Variants in PPP2R2C observed in about 807,000 individuals in gnomAD.
PPP2R2C encodes the protein protein phosphatase 2, regulatory subunit B, gamma.
PPP2R2C carries 10 observed loss-of-function variants against 45.3 expected under a neutral mutation model. The observed-to-expected ratio is 0.22, with a 90% CI of 0.14 to 0.37. PPP2R2C has a LOEUF of 0.37. Among genes scored for constraint, PPP2R2C ranks in the 10% least tolerant of loss-of-function variants. The pLI, the probability that PPP2R2C is intolerant of heterozygous loss-of-function variation, is 1.00. For synonymous variants in PPP2R2C, 257 were observed against 245.4 expected, an observed-to-expected ratio of 1.05 and a Z score of -0.44; for missense variants, 308 against 619.7, an observed-to-expected ratio of 0.50 and a Z score of 5.34.
intron 5 of PPP2R2C, among the ~76,000 whole-genome samples, chr4:6,357,489 G>A (rs771058104): frequency 6.6e-6 from 1 of 152,236 alleles, no homozygotes; most frequent in Non-Finnish European, 1.5e-5. Context: ...AGCCAGAGGT[G>A]CTAGCTAAAC....
chr4:6,367,322 A>C (rs1714411801), intron 5 of PPP2R2C, among the ~76,000 whole-genome samples: 1 of 152,150 alleles, frequency 6.6e-6, no homozygotes, highest in Non-Finnish European at 1.5e-5. Flanking sequence ...ACATGGTGGA[A>C]AACCTCCAGT....
chr4:6,529,356 A>G (rs1248960333), intron 2 of PPP2R2C, among the ~76,000 whole-genome samples: 1 of 152,184 alleles, frequency 6.6e-6, no homozygotes, highest in Non-Finnish European at 1.5e-5. Context: ...TCTAGGCACC[A>G]CCTGAGCCGC....
upstream of PPP2R2C, among the ~76,000 whole-genome samples, chr4:6,477,457 T>A (rs1722201402): frequency 6.6e-6 from 1 of 152,112 alleles, no homozygotes; most frequent in Non-Finnish European, 1.5e-5. Flanking sequence ...CTGGGCACGG[T>A]GCCTCACGCC....
At chr4:6,419,104 G>A (rs1718796612) in intron 1 of PPP2R2C, among the ~76,000 whole-genome samples, 1 of 152,206 alleles carries the variant, frequency 6.6e-6, no homozygotes, top group Non-Finnish European at 1.5e-5. Context: ...TTTTCAAAGG[G>A]TTGTGAAACA....
chr4:6,341,860 A>T (rs74987328), intron 6 of PPP2R2C, among the ~76,000 whole-genome samples: 7,003 of 152,170 alleles, frequency 0.046, 542 homozygotes, highest in African/African-American at 0.16. Context: ...GAGATAACAC[A>T]GGCCAGCTGA....
chr4:6,333,413 G>T, intron 7 of PPP2R2C, 149 bp downstream of exon 7: 1 of 888,956 alleles, frequency 1.1e-6, no homozygotes, highest in Non-Finnish European at 1.7e-6. Flanking sequence ...TACGTGTGGG[G>T]ATGAGTTGCT....
chr4:6,507,508 T>C (rs990302946), intron 2 of PPP2R2C, among the ~76,000 whole-genome samples: 7 of 152,206 alleles, frequency 4.6e-5, no homozygotes, highest in Non-Finnish European at 1.0e-4. Context: ...TACTAGACTC[T>C]CTATGTGTGG....
intron 2 of PPP2R2C, among the ~76,000 whole-genome samples, chr4:6,481,302 G>A (rs142880356): frequency 6.6e-5 from 10 of 152,306 alleles, no homozygotes; most frequent in South Asian, 4.1e-4. Context: ...GTTTTAGGAC[G>A]TATACTTACC....
intron 1 of PPP2R2C, among the ~76,000 whole-genome samples, chr4:6,461,179 T>C (rs187729219): frequency 6.6e-6 from 1 of 152,290 alleles, no homozygotes; most frequent in East Asian, 1.9e-4. Flanking sequence ...CGCATGACTC[T>C]GGACTCTGCA....
chr4:6,486,903 T>C (rs1722546461), intron 2 of PPP2R2C, among the ~76,000 whole-genome samples: 1 of 152,048 alleles, frequency 6.6e-6, no homozygotes, highest in South Asian at 2.1e-4. Context: ...ATTTATTCCA[T>C]TTTCCTTTGT....
At chr4:6,370,533 C>G (rs1714722767) in intron 5 of PPP2R2C, among the ~76,000 whole-genome samples, 1 of 152,154 alleles carries the variant, frequency 6.6e-6, no homozygotes, top group African/African-American at 2.4e-5. Context: ...CATTCACCCC[C>G]AATTAGAGCC....
intron 1 of PPP2R2C, among the ~76,000 whole-genome samples, chr4:6,551,692 T>A (rs2108840313): frequency 6.6e-6 from 1 of 152,332 alleles, no homozygotes; most frequent in Admixed American, 6.5e-5. Context: ...ACAAGCCACA[T>A]GTCAGGGCTC....
chr4:6,511,078 C>G (rs1182907748), intron 2 of PPP2R2C, among the ~76,000 whole-genome samples: 9 of 151,920 alleles, frequency 5.9e-5, no homozygotes, highest in African/African-American at 2.2e-4. Context: ...CACTCACTAG[C>G]TGTCCCTGAA....
At chr4:6,476,000 C>A (rs896805966), upstream of PPP2R2C, among the ~76,000 whole-genome samples, 2 of 152,168 alleles carry the variant, frequency 1.3e-5, no homozygotes, top group Admixed American at 6.5e-5. Context: ...CGGGAGCACA[C>A]GGCGAGACAG....
At chr4:6,490,117 G>A (rs1281201510) in intron 2 of PPP2R2C, among the ~76,000 whole-genome samples, 1 of 152,168 alleles carries the variant, frequency 6.6e-6, no homozygotes, top group Non-Finnish European at 1.5e-5. Context: ...CCTCCCACCA[G>A]CTGGTTCAGC....
intron 2 of PPP2R2C, among the ~76,000 whole-genome samples, chr4:6,517,851 T>C (rs73796236): frequency 0.012 from 1,795 of 152,268 alleles, 39 homozygotes; most frequent in African/African-American, 0.04. Context: ...CAGGTCCATA[T>C]TACCTGGGAA....
intron 2 of PPP2R2C, among the ~76,000 whole-genome samples, chr4:6,481,845 G>A (rs1387866609): frequency 6.6e-6 from 1 of 151,914 alleles, no homozygotes; most frequent in Non-Finnish European, 1.5e-5. Flanking sequence ...CAGGCATGGT[G>A]GCACGTGCCT....
chr4:6,522,779 T>A (rs1577237733), intron 2 of PPP2R2C, among the ~76,000 whole-genome samples: 1 of 152,358 alleles, frequency 6.6e-6, no homozygotes, highest in East Asian at 1.9e-4. Flanking sequence ...TCTTGGCTAA[T>A]ATCTGCTGAG....
Position 6,332,637 on chromosome 4 carries a change from C to T in PPP2R2C, c.960+925G>A, listed in dbSNP as rs1021967793. Among the ~76,000 whole-genome samples, 59 of 152,186 alleles carry T rather than the reference C, an allele frequency of 3.9e-4. 1 individual carries two copies. Among genetic ancestry groups the T allele is most frequent in the African/African-American group, 1.4e-3 (58 of 41,442 alleles). On this transcript the variant is annotated intron_variant, in intron 7 of 8. Transcript: ENST00000382599. The surrounding 1 kb of genome is among the most constrained non-coding windows in gnomAD (Gnocchi z 4.9). ...TGAGCCTGGGCTCTGAATCTGTCACCGCCCAGCCGAGAGACACCTCCCTCA... is the reference window on the plus strand; with the variant it reads ...TGAGCCTGGGCTCTGAATCTGTCACTGCCCAGCCGAGAGACACCTCCCTCA...
Sources: gnomAD v4.1 joint callset for allele counts (sites outside exome capture counted in the v4.1 genomes callset) on GRCh38, gnomAD v4.1.1 for gene constraint, Gnocchi (gnomAD v3.1) non-coding constraint, MANE v1.5 for transcripts, NCBI Gene and HGNC (gene_info 2026-07-23, HGNC 2026-07-21) for gene names.